C11orf97: variants seen among roughly 807,000 people sequenced by gnomAD.
C11orf97 encodes the protein uncharacterized protein C11orf97.
Under a neutral mutation model 16.2 loss-of-function variants are expected in C11orf97, and 15 were observed. The observed-to-expected ratio is 0.93, with a 90% confidence interval of 0.62 to 1.43. The LOEUF is 1.43. C11orf97 is among the 40% of genes most tolerant of loss of function. The pLI is 0.00. For synonymous variants in C11orf97, 61 were observed against 65.7 expected, an observed-to-expected ratio of 0.93 and a Z score of 0.34; for missense variants, 171 against 161.2, an observed-to-expected ratio of 1.06 and a Z score of -0.33.
At chr11:94,523,906 A>G (rs1045062719) in intron 2 of C11orf97, among the ~76,000 whole-genome samples, 2 of 152,148 alleles carry the variant, frequency 1.3e-5, no homozygotes, top group Non-Finnish European at 2.9e-5. Flanking sequence ...TTTGCACTCT[A>G]TACTTGGGTC....
At chr11:94,526,850 T>C (rs1385440222) in intron 2 of C11orf97, among the ~76,000 whole-genome samples, 2 of 152,152 alleles carry the variant, frequency 1.3e-5, no homozygotes, top group African/African-American at 2.4e-5. Context: ...TCTTGACAGA[T>C]AGCTTCAGCT....
Position 94,512,595 on chromosome 11 carries a change from C to T in C11orf97, c.67C>T (p.Gln23Ter). 1.6e-6 allele frequency: 2 copies of T among 1,281,636 alleles called. No individual in the cohort carries two copies. Among genetic ancestry groups the T allele is most frequent in the Middle Eastern group, 3.0e-4 (1 of 3,346 alleles). The allele number at this position is 1,281,636 out of a possible 1,614,324, so 79.4% of individuals were successfully genotyped here. The change falls in exon 1 of 4, where the codon CAG (glutamine) becomes TAG (stop). Residue 23 changes from glutamine (Q) to a stop codon, truncating the protein, a stop_gained. Transcript: ENST00000542198. LOFTEE classifies it high-confidence loss of function. ...GCCCAAGGCGGGTCGCGAAGAGGAGCAGCCTCCTCCGCCAGCAGGGCTGGG... is the reference window on the plus strand; with the variant it reads ...GCCCAAGGCGGGTCGCGAAGAGGAGTAGCCTCCTCCGCCAGCAGGGCTGGG... ...VAPKAGREEE[Q>*]PPPPAGLGCG...
Position 94,517,642 on chromosome 11 carries a change from C to A in C11orf97, c.205C>A (p.Arg69Ser). The change falls in exon 2 of 4, where the codon CGT becomes AGT. Residue 69 changes from arginine (R) to serine (S), a missense_variant. Coordinates refer to ENST00000542198, the MANE Select transcript of C11orf97 (RefSeq NM_001190462.2). ...AATTAAGGAAGTACTGGAAGAAGAA[C>A]GTCATATTAAGAGAGATGAATGCCA... ...KRIKEVLEEERHIKRDECHIK... is the reference protein window; with the variant it reads ...KRIKEVLEEESHIKRDECHIK... The A allele has an allele frequency of 6.5e-7, 1 of 1,532,358 alleles. No individual in the cohort carries two copies. Among genetic ancestry groups the A allele is most frequent in the Non-Finnish European group, 8.7e-7 (1 of 1,145,568 alleles). 94.9% of individuals were successfully genotyped at this position (1,532,358 alleles called of 1,614,324 possible).
intron 2 of C11orf97, among the ~76,000 whole-genome samples, chr11:94,524,571 GGTTAACCTCA>G (rs1947684387): frequency 8.5e-6 from 1 of 117,506 alleles, no homozygotes; most frequent in African/African-American, 3.3e-5. Context: ...TACTTGAAAA[GGTTAACCTCA>G]TCCTGAAAAA....
chr11:94,528,085 G>A lies in C11orf97; in HGVS notation c.252G>A (p.Val84=). ...DECHIKNPAA[V]ALEGIWSIKR... ...TCTTGCCTTAAAAAATATTGACAGT[G>A]GCCCTGGAAGGGATTTGGAGCATTA... Residue 84 remains valine, a splice_region_variant and synonymous_variant, in exon 3 of 4, where the codon GTG becomes GTA. Transcript: ENST00000542198. 6.5e-7 allele frequency: 1 copy of A among 1,527,138 alleles called. No individual in the cohort carries two copies. The highest frequency in any genetic ancestry group is 8.7e-7 in the Non-Finnish European group (1 of 1,143,520). 94.6% of individuals were successfully genotyped at this position (1,527,138 alleles called of 1,614,324 possible).
chr11:94,522,430 G>T lies in C11orf97; in HGVS notation c.250+4743G>T, dbSNP rs891987357. On this transcript the variant is annotated intron_variant, in intron 2 of 3. Transcript: ENST00000542198. ...CGGGTGCCTGTAGTGCCAGCTACTC[G>T]GGAGACTGAGGCAGGAGAATGGCGT... Among the ~76,000 whole-genome samples, 7 of 152,244 alleles carry T rather than the reference G, an allele frequency of 4.6e-5. No homozygotes were observed. The East Asian group carries it at 1.4e-3, about 29-fold the overall frequency.
rs115619777 is a variant in C11orf97, at chr11:94,523,082, C to T, written c.251-5002C>T. ...CCCGCTGCAGGTTTTTTCTTCTCAT[C>T]GTGAAATACAAAAAATTGTTTCTCT... On this transcript the variant is annotated intron_variant, in intron 2 of 3. Transcript: ENST00000542198. 9.4e-3 allele frequency among the ~76,000 whole-genome samples: 1,432 copies of T among 151,788 alleles called. 26 individuals are homozygous for T. The highest frequency in any genetic ancestry group is 0.033 in the African/African-American group (1,377 of 41,238).
intron 2 of C11orf97, 84 bp downstream of exon 2, chr11:94,517,771 A>G (rs981865367): frequency 5.3e-5 from 48 of 909,232 alleles, no homozygotes; most frequent in Non-Finnish European, 7.0e-5. Context: ...TTATAAAACC[A>G]TACTATTGAA....
At position 94,528,210 on chromosome 11, in the gene C11orf97, G is replaced by A; in HGVS notation, c.376+1G>A. On this transcript the variant is annotated splice_donor_variant, in intron 3 of 3. Transcript: ENST00000542198. LOFTEE classifies it high-confidence loss of function. ...TACTCCAGGCACGGAGGACTCAGAA[G>A]TAAGACCCTGATGCCCTTGACTTCC... is the stretch of plus-strand genomic sequence containing the variant. The A allele has an allele frequency of 6.5e-7, 1 of 1,532,054 alleles. No individual in the cohort carries two copies. The highest frequency in any genetic ancestry group is 8.7e-7 in the Non-Finnish European group (1 of 1,145,690). 94.9% of individuals were successfully genotyped at this position (1,532,054 alleles called of 1,614,324 possible).
At chr11:94,516,172 A>C (rs72980431) in intron 1 of C11orf97, among the ~76,000 whole-genome samples, 6,280 of 152,288 alleles carry the variant, frequency 0.041, 184 homozygotes, top group Non-Finnish European at 0.064. Context: ...TCACTGCCGG[A>C]AGCAGCAGGT....
At chr11:94,519,892 G>T (rs693815) in intron 2 of C11orf97, among the ~76,000 whole-genome samples, 82,076 of 152,102 alleles carry the variant, frequency 0.54, 22,433 homozygotes, top group Non-Finnish European at 0.57. Context: ...AGAGCCTAGA[G>T]GCCAGCCATT....
At chr11:94,531,027 G>C (rs77765679) in intron 3 of C11orf97, among the ~76,000 whole-genome samples, 17,289 of 152,134 alleles carry the variant, frequency 0.11, 1,108 homozygotes, top group South Asian at 0.19. Flanking sequence ...TGTGATCATG[G>C]TAGTTGGGAC....
At chr11:94,528,638 C>T (rs1947716931) in intron 3 of C11orf97, among the ~76,000 whole-genome samples, 1 of 152,192 alleles carries the variant, frequency 6.6e-6, no homozygotes, top group Non-Finnish European at 1.5e-5. Context: ...CTTAGTTTCA[C>T]CCTATTCCAG....
intron 2 of C11orf97, among the ~76,000 whole-genome samples, chr11:94,523,519 C>T (rs1947676037): frequency 6.6e-6 from 1 of 152,146 alleles, no homozygotes; most frequent in Non-Finnish European, 1.5e-5. Context: ...ATTAAGAGGG[C>T]GATCTGTCCT....
intron 2 of C11orf97, among the ~76,000 whole-genome samples, chr11:94,522,379 C>CA (rs1375356259): frequency 1.3e-5 from 2 of 151,816 alleles, no homozygotes; most frequent in African/African-American, 2.4e-5. Context: ...ACTAAACATA[C>CA]AAAAAAAATT....
chr11:94,519,197 C>G (rs1467693244), intron 2 of C11orf97, among the ~76,000 whole-genome samples: 1 of 152,186 alleles, frequency 6.6e-6, no homozygotes, highest in Non-Finnish European at 1.5e-5. Flanking sequence ...CATGAGCCAC[C>G]ACGCCCGGCC....
intron 3 of C11orf97, among the ~76,000 whole-genome samples, chr11:94,531,473 G>A (rs1315922495): frequency 7.7e-6 from 1 of 130,218 alleles, no homozygotes; most frequent in South Asian, 2.5e-4. Context: ...GGTAATGGTT[G>A]ATGACAAAAA....
At chr11:94,513,704 T>C (rs1214095100) in intron 1 of C11orf97, among the ~76,000 whole-genome samples, 2 of 152,260 alleles carry the variant, frequency 1.3e-5, no homozygotes, top group African/African-American at 2.4e-5. Flanking sequence ...AGTATGACTA[T>C]GAAATGTCAT....
chr11:94,513,689 G>A (rs369345662), intron 1 of C11orf97, among the ~76,000 whole-genome samples: 20 of 152,214 alleles, frequency 1.3e-4, no homozygotes, highest in African/African-American at 4.6e-4. Context: ...CTGGGCATCA[G>A]CTCCAGTATG....
Sources: gnomAD v4.1 joint callset for allele counts (sites outside exome capture counted in the v4.1 genomes callset) on GRCh38, gnomAD v4.1.1 for gene constraint, MANE v1.5 for transcripts, NCBI Gene and HGNC (gene_info 2026-07-23, HGNC 2026-07-21) for gene names.